Variants in PDZRN4 observed in about 807,000 individuals in gnomAD.
PDZRN4 encodes PDZ domain-containing RING finger protein 4.
PDZRN4 carries 70 observed loss-of-function variants against 99.0 expected under a neutral mutation model. That is an observed-to-expected ratio of 0.71 (90% CI 0.58 to 0.86). The LOEUF (loss-of-function observed/expected upper bound fraction) is 0.86. Among genes scored for constraint, PDZRN4 ranks in the 40% least tolerant of loss-of-function variants. The pLI, the probability that PDZRN4 is intolerant of heterozygous loss-of-function variation, is 0.00. For synonymous variants in PDZRN4, 551 were observed against 501.6 expected (o/e 1.10, Z -1.32); for missense variants, 1,474 against 1,331.2 (o/e 1.11, Z -1.67).
intron 3 of PDZRN4, among the ~76,000 whole-genome samples, chr12:41,298,441 T>C (rs1472181500): frequency 6.6e-6 from 1 of 152,196 alleles, no homozygotes; most frequent in Admixed American, 6.6e-5. Context: ...TCAAATTTGC[T>C]TTTTGTTTTT....
At chr12:41,371,475 A>T (rs1952041092) in intron 3 of PDZRN4, among the ~76,000 whole-genome samples, 2 of 151,944 alleles carry the variant, frequency 1.3e-5, no homozygotes, top group South Asian at 4.1e-4. Context: ...TTTCTGGTTC[A>T]TGTAAGATTT....
At chr12:41,524,919 T>C (rs948970180) in intron 5 of PDZRN4, among the ~76,000 whole-genome samples, 3 of 152,142 alleles carry the variant, frequency 2.0e-5, no homozygotes, top group Admixed American at 6.6e-5. Flanking sequence ...GTGAATATTT[T>C]TGAAACATGA....
intron 3 of PDZRN4, among the ~76,000 whole-genome samples, chr12:41,263,178 T>C (rs1456832439): frequency 3.3e-5 from 5 of 152,176 alleles, no homozygotes; most frequent in Non-Finnish European, 5.9e-5. Flanking sequence ...GAATTAGTCA[T>C]GCTGATACCT....
intron 5 of PDZRN4, among the ~76,000 whole-genome samples, chr12:41,532,048 TA>T (rs1226366204): frequency 6.6e-6 from 1 of 152,226 alleles, no homozygotes; most frequent in Non-Finnish European, 1.5e-5. Context: ...TCTAAATTTT[TA>T]AAAACAATTT....
chr12:41,231,238 T>C (rs2120754673), intron 3 of PDZRN4, among the ~76,000 whole-genome samples: 1 of 152,240 alleles, frequency 6.6e-6, no homozygotes, highest in African/African-American at 2.4e-5. Context: ...CTGTTGCCAT[T>C]CCGGGTTTTA....
Position 41,201,178 on chromosome 12 carries a change from A to AC in PDZRN4, c.843+6993dup, listed in dbSNP as rs397709290. Among the ~76,000 whole-genome samples, 416 of 147,482 alleles carry AC rather than the reference A, an allele frequency of 2.8e-3. 2 individuals carry two copies. Among genetic ancestry groups the AC allele is most frequent in the African/African-American group, 9.5e-3 (383 of 40,116 alleles). On this transcript the variant is annotated intron_variant, in intron 3 of 9. Coordinates refer to ENST00000402685, the MANE Select transcript of PDZRN4 (RefSeq NM_001164595.2). ...TTTCTTTGTGCAATTAAAAAAAAAAACCCTCTACTATCGTTTCGTGAAACT... is the reference window on the plus strand; with the variant it reads ...TTTCTTTGTGCAATTAAAAAAAAAAACCCCTCTACTATCGTTTCGTGAAACT...
chr12:41,470,096 G>A (rs1032675133), intron 3 of PDZRN4, among the ~76,000 whole-genome samples: 1 of 152,114 alleles, frequency 6.6e-6, no homozygotes, highest in African/African-American at 2.4e-5. Context: ...ACTACTTGAA[G>A]GCCTTTAAAA....
chr12:41,411,267 A>G (rs1270546752), intron 3 of PDZRN4, among the ~76,000 whole-genome samples: 2 of 152,084 alleles, frequency 1.3e-5, no homozygotes, highest in Non-Finnish European at 2.9e-5. Context: ...ACCCCCAGAT[A>G]TAAGTACAGC....
chr12:41,441,558 T>A (rs1952681425), intron 3 of PDZRN4, among the ~76,000 whole-genome samples: 1 of 152,174 alleles, frequency 6.6e-6, no homozygotes, highest in Non-Finnish European at 1.5e-5. Context: ...TCTTATTTAA[T>A]CATCACAATA....
At chr12:41,199,645 G>A (rs1250617364) in intron 3 of PDZRN4, among the ~76,000 whole-genome samples, 3 of 152,094 alleles carry the variant, frequency 2.0e-5, no homozygotes, top group Non-Finnish European at 1.5e-5. Context: ...AGAAAACATG[G>A]TGTGCCTATA....
At chr12:41,246,863 AC>A (rs1278684159) in intron 3 of PDZRN4, among the ~76,000 whole-genome samples, 1 of 152,210 alleles carries the variant, frequency 6.6e-6, no homozygotes. Context: ...ATTGCTCCAT[AC>A]AGACATTCTA....
At chr12:41,375,361 G>T (rs1465761175) in intron 3 of PDZRN4, among the ~76,000 whole-genome samples, 2 of 152,066 alleles carry the variant, frequency 1.3e-5, no homozygotes, top group Admixed American at 1.3e-4. Context: ...TAAGTAGAAT[G>T]GCATTTGAAC....
intron 3 of PDZRN4, among the ~76,000 whole-genome samples, chr12:41,278,468 A>G (rs1270446529): frequency 6.6e-6 from 1 of 152,208 alleles, no homozygotes; most frequent in African/African-American, 2.4e-5. Context: ...ACTTTGTGTA[A>G]CGATTACATT....
intron 3 of PDZRN4, among the ~76,000 whole-genome samples, chr12:41,313,244 C>T (rs1470633523): frequency 1.3e-5 from 2 of 152,194 alleles, no homozygotes; most frequent in Non-Finnish European, 1.5e-5. Context: ...CATTAGTTCA[C>T]TGCATCACCA....
chr12:41,513,360 T>C (rs1465986005), intron 5 of PDZRN4, among the ~76,000 whole-genome samples: 3 of 151,982 alleles, frequency 2.0e-5, no homozygotes, highest in Admixed American at 6.6e-5. Context: ...CTAAGAAAAA[T>C]ATTTGACTGG....
intron 3 of PDZRN4, among the ~76,000 whole-genome samples, chr12:41,491,299 G>A (rs1446847725): frequency 1.3e-5 from 2 of 152,108 alleles, no homozygotes; most frequent in Non-Finnish European, 2.9e-5. Context: ...GAGGAGGGCA[G>A]ATCATGAGGT....
At chr12:41,350,466 T>C (rs1404034918) in intron 3 of PDZRN4, among the ~76,000 whole-genome samples, 1 of 152,062 alleles carries the variant, frequency 6.6e-6, no homozygotes, top group Non-Finnish European at 1.5e-5. Flanking sequence ...AAAAAAGATG[T>C]CCTCAAGGAT....
intron 3 of PDZRN4, among the ~76,000 whole-genome samples, chr12:41,253,074 G>A (rs866248986): frequency 2.0e-5 from 3 of 151,990 alleles, no homozygotes; most frequent in Non-Finnish European, 2.9e-5. Context: ...CATTAATGTC[G>A]GTATTGAATT....
At chr12:41,569,788 T>G (rs546139810) in intron 9 of PDZRN4, among the ~76,000 whole-genome samples, 2 of 152,352 alleles carry the variant, frequency 1.3e-5, no homozygotes, top group South Asian at 4.1e-4. Context: ...TATACTCATG[T>G]GCTCATTATG....
Sources: allele counts gnomAD v4.1 joint callset (sites outside exome capture counted in the v4.1 genomes callset), GRCh38; gene constraint gnomAD v4.1.1; transcripts MANE v1.5; gene names NCBI Gene and HGNC (gene_info 2026-07-23, HGNC 2026-07-21).